The following PPP1R12B variants were observed in gnomAD, a reference collection of about 807,000 sequenced individuals.
PPP1R12B encodes the protein myosin phosphatase target subunit 2.
In PPP1R12B, 76 loss-of-function variants were observed where a neutral mutation model predicts 126.1. That is an observed-to-expected ratio of 0.60 (90% CI 0.50 to 0.73). The LOEUF is 0.73. Ranked by LOEUF, PPP1R12B falls within the 30% of genes least tolerant of loss-of-function variation. The probability of loss-of-function intolerance (pLI) is 0.00; values close to 1 mark genes in which losing one functional copy is unlikely to be tolerated. For missense variants in PPP1R12B, 1,052 were observed against 1,205.1 expected, an observed-to-expected ratio of 0.87 and a Z score of 1.88; for synonymous variants, 356 against 434.7, an observed-to-expected ratio of 0.82 and a Z score of 2.25.
intron 1 of PPP1R12B, among the ~76,000 whole-genome samples, chr1:202,381,647 A>G (rs867334326): frequency 1.3e-5 from 2 of 152,308 alleles, no homozygotes; most frequent in South Asian, 2.1e-4. Flanking sequence ...CCAAGAAGGA[A>G]AGTCAGTATT....
intron 13 of PPP1R12B, among the ~76,000 whole-genome samples, chr1:202,465,774 A>AT (rs1334630181): frequency 6.6e-6 from 1 of 152,108 alleles, no homozygotes; most frequent in Non-Finnish European, 1.5e-5. Flanking sequence ...TTTTAAACTT[A>AT]TTTTTTCTAA....
At chr1:202,362,360 T>C (rs912001825) in intron 1 of PPP1R12B, among the ~76,000 whole-genome samples, 1 of 152,212 alleles carries the variant, frequency 6.6e-6, no homozygotes, top group African/African-American at 2.4e-5. Context: ...GGAAAGTGAT[T>C]CTGAAGGATG....
At chr1:202,566,244 A>G (rs939107789) in intron 21 of PPP1R12B, among the ~76,000 whole-genome samples, 1 of 152,222 alleles carries the variant, frequency 6.6e-6, no homozygotes, top group African/African-American at 2.4e-5. Context: ...TGAAAATAAA[A>G]TCAGCCTTTC....
At chr1:202,452,651 T>C (rs1673152559) in intron 13 of PPP1R12B, among the ~76,000 whole-genome samples, 1 of 152,192 alleles carries the variant, frequency 6.6e-6, no homozygotes, top group Non-Finnish European at 1.5e-5. Flanking sequence ...TGTTCACTGT[T>C]GGCAAATAAA....
intron 13 of PPP1R12B, among the ~76,000 whole-genome samples, chr1:202,475,134 T>C (rs1276043380): frequency 6.6e-6 from 1 of 152,204 alleles, no homozygotes; most frequent in Non-Finnish European, 1.5e-5. Flanking sequence ...AGAGCTAAAA[T>C]TAGAACCCAG....
intron 18 of PPP1R12B, among the ~76,000 whole-genome samples, chr1:202,531,395 A>AT (rs1683934341): frequency 6.6e-6 from 1 of 152,158 alleles, no homozygotes; most frequent in Admixed American, 6.5e-5. Context: ...TTTTAACAGT[A>AT]TGGAGATCTT....
intron 18 of PPP1R12B, among the ~76,000 whole-genome samples, chr1:202,521,158 T>C (rs1682745303): frequency 6.6e-6 from 1 of 152,058 alleles, no homozygotes; most frequent in Non-Finnish European, 1.5e-5. Context: ...GGGCTAAAAA[T>C]TCAGAACTGG....
chr1:202,403,329 C>T (rs1666124302), intron 1 of PPP1R12B, among the ~76,000 whole-genome samples: 1 of 152,108 alleles, frequency 6.6e-6, no homozygotes, highest in Non-Finnish European at 1.5e-5. Flanking sequence ...TTTTAAAATA[C>T]CATATGGGCC....
intron 1 of PPP1R12B, among the ~76,000 whole-genome samples, chr1:202,391,502 T>C (rs1370924513): frequency 6.6e-6 from 1 of 152,150 alleles, no homozygotes; most frequent in East Asian, 1.9e-4. Flanking sequence ...AGAGTTACCA[T>C]ATGATCCAGC....
chr1:202,430,778 G>A lies in PPP1R12B; in HGVS notation c.969G>A (p.Leu323=). 6.2e-7 allele frequency: 1 copy of A among 1,613,150 alleles called. No homozygotes were observed. ...GGAATAAACTCATTGAGTCAGATCT[G>A]AACAGCAAGATTCAGAGTGGGTTCT... The part of the protein sequence containing the change: ...ETRNKLIESD[L]NSKIQSGFFK... The change falls in exon 7 of 24, where the codon CTG becomes CTA. Residue 323 remains leucine (L), a synonymous_variant. Transcript: ENST00000608999.
intron 14 of PPP1R12B, among the ~76,000 whole-genome samples, chr1:202,489,521 T>C (rs752052182): frequency 6.6e-5 from 10 of 152,296 alleles, no homozygotes; most frequent in South Asian, 2.1e-4. Context: ...TATTTGGCAA[T>C]AAAAAGAAAT....
intron 13 of PPP1R12B, among the ~76,000 whole-genome samples, chr1:202,453,721 T>A (rs913795256): frequency 2.9e-4 from 43 of 148,144 alleles, no homozygotes; most frequent in Admixed American, 4.8e-4. Context: ...TTTTTTTTTT[T>A]ATAAAGACAC....
intron 12 of PPP1R12B, among the ~76,000 whole-genome samples, chr1:202,448,103 T>C (rs1672498753): frequency 1.3e-5 from 2 of 152,194 alleles, no homozygotes; most frequent in South Asian, 4.1e-4. Context: ...CTGCTAATAA[T>C]TGTGAGTAGG....
intron 1 of PPP1R12B, among the ~76,000 whole-genome samples, chr1:202,399,121 G>C (rs1321396847): frequency 1.3e-5 from 2 of 152,068 alleles, no homozygotes; most frequent in Non-Finnish European, 2.9e-5. Context: ...ATGCTTACTG[G>C]ATATGCCTGG....
chr1:202,434,881 G>A (rs1670603974), intron 9 of PPP1R12B, 113 bp downstream of exon 9: 1 of 1,476,900 alleles, frequency 6.8e-7, no homozygotes, highest in Non-Finnish European at 8.9e-7. Flanking sequence ...CATTTTTCCT[G>A]TCATAATCTG....
At chr1:202,576,327 C>T (rs1489043563) in intron 23 of PPP1R12B, 1 of 152,216 alleles carries the variant, frequency 6.6e-6, no homozygotes, top group African/African-American at 2.4e-5. Context: ...GGTCACCACT[C>T]CTCTGAGATG....
chr1:202,550,372 A>G (rs1463249618), intron 18 of PPP1R12B, among the ~76,000 whole-genome samples: 1 of 152,208 alleles, frequency 6.6e-6, no homozygotes, highest in Non-Finnish European at 1.5e-5. Flanking sequence ...AATAGGTATA[A>G]TGGTGGTCAG....
At chr1:202,543,545 G>A (rs976573788) in intron 18 of PPP1R12B, among the ~76,000 whole-genome samples, 1 of 152,142 alleles carries the variant, frequency 6.6e-6, no homozygotes, top group African/African-American at 2.4e-5. Flanking sequence ...TTCGAGACCA[G>A]CCTGGCCAAC....
intron 20 of PPP1R12B, among the ~76,000 whole-genome samples, chr1:202,564,127 C>T (rs1399189470): frequency 6.6e-6 from 1 of 152,144 alleles, no homozygotes; most frequent in Non-Finnish European, 1.5e-5. Context: ...AATCAATATA[C>T]ACAGTAGACT....
Sources: allele counts gnomAD v4.1 joint callset (sites outside exome capture counted in the v4.1 genomes callset), GRCh38; gene constraint gnomAD v4.1.1; transcripts MANE v1.5; gene names NCBI Gene and HGNC (gene_info 2026-07-23, HGNC 2026-07-21).